NEXMIF: variants seen among roughly 807,000 people sequenced by gnomAD.
The protein encoded by NEXMIF is neurite extension and migration factor.
A neutral mutation model predicts 62.1 loss-of-function variants in NEXMIF; 8 were observed. The ratio of observed to expected loss-of-function variants is 0.13; its 90% CI spans 0.08 to 0.23. The LOEUF (loss-of-function observed/expected upper bound fraction) is 0.23. Ranked by LOEUF, NEXMIF falls within the 10% of genes least tolerant of loss-of-function variation. The pLI, the probability that NEXMIF is intolerant of heterozygous loss-of-function variation, is 1.00. For missense variants in NEXMIF, 976 were observed against 1,113.3 expected, an observed-to-expected ratio of 0.88 and a Z score of 1.75; for synonymous variants, 404 against 416.6, an observed-to-expected ratio of 0.97 and a Z score of 0.37.
In NEXMIF at chrX:74,732,934, C is replaced by T. The variant is rs1288092732; in HGVS notation, c.*6471G>A. ...AGGACTGCATCTCTGCAGATTCCAT[C>T]TGGATCACAAAACAAAGACACAATT... On this transcript the variant is annotated 3_prime_UTR_variant, in exon 4 of 4. Transcript: ENST00000055682. The T allele has an allele frequency of 1.8e-5, 2 of 111,876 alleles. No individual in the cohort carries two copies. The highest frequency in any genetic ancestry group is 6.5e-5 in the African/African-American group (2 of 30,786). 9.2% of individuals were successfully genotyped at this position (111,876 alleles called of 1,213,427 possible). A position where few individuals can be genotyped will look rare whatever the true frequency, so the allele number is the denominator to read the frequency against.
At chrX:74,882,303 G>A (rs181352519) in intron 1 of NEXMIF, among the ~76,000 whole-genome samples, 2 of 112,009 alleles carry the variant, frequency 1.8e-5, no homozygotes, top group Non-Finnish European at 3.8e-5. Flanking sequence ...GTTGGTGCAG[G>A]ACAGTGGGTG....
At chrX:74,858,513 A>G (rs2080543747) in intron 1 of NEXMIF, among the ~76,000 whole-genome samples, 1 of 112,044 alleles carries the variant, frequency 8.9e-6, no homozygotes, top group African/African-American at 3.2e-5. Context: ...ACAACATGCA[A>G]GTCCTTTTAA....
intron 1 of NEXMIF, among the ~76,000 whole-genome samples, chrX:74,793,230 T>C (rs1363253114): frequency 2.7e-5 from 3 of 110,353 alleles, no homozygotes; most frequent in Non-Finnish European, 5.7e-5. Context: ...CTCCTTCACT[T>C]ATGAAGCTTA....
chrX:74,834,478 T>A (rs1158954366), intron 1 of NEXMIF, among the ~76,000 whole-genome samples: 1 of 112,175 alleles, frequency 8.9e-6, no homozygotes, highest in Non-Finnish European at 1.9e-5. Context: ...GTAGCATTTG[T>A]TGTAGGACAG....
chrX:74,875,819 T>C (rs1006565656), intron 1 of NEXMIF, among the ~76,000 whole-genome samples: 2 of 112,069 alleles, frequency 1.8e-5, no homozygotes, highest in African/African-American at 6.5e-5. Flanking sequence ...TAGTTTGTAT[T>C]TCTGTGGGAT....
chrX:74,799,054 G>A (rs2080321233), intron 1 of NEXMIF, among the ~76,000 whole-genome samples: 1 of 110,591 alleles, frequency 9.0e-6, no homozygotes, highest in Non-Finnish European at 1.9e-5. Flanking sequence ...TTGTAGGGAG[G>A]GGGTCTTGCC....
intron 1 of NEXMIF, among the ~76,000 whole-genome samples, chrX:74,871,597 AG>A (rs928694796): frequency 9.0e-6 from 1 of 111,177 alleles, no homozygotes; most frequent in African/African-American, 3.3e-5. Flanking sequence ...AGACACTCCC[AG>A]AGCAGCCATC....
At chrX:74,903,779 A>T (rs1471066047) in intron 1 of NEXMIF, among the ~76,000 whole-genome samples, 2 of 111,300 alleles carry the variant, frequency 1.8e-5, no homozygotes, top group Non-Finnish European at 3.8e-5. Flanking sequence ...AGAATAATAA[A>T]CCGTCACTTT....
chrX:74,808,232 T>G (rs747932025), intron 1 of NEXMIF, among the ~76,000 whole-genome samples: 65 of 110,498 alleles, frequency 5.9e-4, no homozygotes, highest in Admixed American at 3.3e-3. Context: ...GGTACAACCC[T>G]GTCTCTACTA....
At chrX:74,761,121 C>T (rs375212783) in intron 1 of NEXMIF, among the ~76,000 whole-genome samples, 2 of 110,473 alleles carry the variant, frequency 1.8e-5, no homozygotes, top group Admixed American at 9.7e-5. Flanking sequence ...CCGCCCGCCT[C>T]GGCCTCCCAA....
At chrX:74,868,162 T>C (rs1191523610) in intron 1 of NEXMIF, among the ~76,000 whole-genome samples, 1 of 112,112 alleles carries the variant, frequency 8.9e-6, no homozygotes, top group Non-Finnish European at 1.9e-5. Flanking sequence ...TAGGAACACT[T>C]TCACACTGTT....
intron 1 of NEXMIF, among the ~76,000 whole-genome samples, chrX:74,819,044 T>A (rs1402338008): frequency 9.0e-6 from 1 of 111,673 alleles, no homozygotes; most frequent in African/African-American, 3.3e-5. Flanking sequence ...TCTACAACCA[T>A]CTGATCTTTG....
Position 74,769,741 on chromosome X carries a change from T to C in NEXMIF, c.-47-24044A>G. The C allele has an allele frequency of 5.1e-6, 3 of 585,740 alleles. No homozygotes were observed. In the Admixed American group the frequency reaches 6.7e-5, roughly 13 times the overall value. The allele number at this position is 585,740 out of a possible 1,213,427, so 48.3% of individuals were successfully genotyped here. ...ATTTTCCACTGGAGTTACTGAAAGA[T>C]GAGGGACTGCAGTACTTGGAGAGAT... is the stretch of plus-strand genomic sequence containing the variant. On this transcript the variant is annotated intron_variant, in intron 1 of 3. Transcript: ENST00000055682.
intron 1 of NEXMIF, among the ~76,000 whole-genome samples, chrX:74,849,575 C>T (rs1262267997): frequency 1.8e-5 from 2 of 112,642 alleles, no homozygotes; most frequent in African/African-American, 6.4e-5. Flanking sequence ...CCAGGCCCCA[C>T]CAGGCTGCAT....
chrX:74,805,106 C>CT (rs1167546609), intron 1 of NEXMIF, among the ~76,000 whole-genome samples: 5 of 112,508 alleles, frequency 4.4e-5, no homozygotes, highest in African/African-American at 1.6e-4. Context: ...CCCATGGCTG[C>CT]TGCCAGGACA....
chrX:74,743,352 T>A lies in NEXMIF; in HGVS notation c.1205A>T (p.Asp402Val). The A allele has an allele frequency of 8.3e-7, 1 of 1,211,448 alleles. No individual in the cohort carries two copies. The highest frequency in any genetic ancestry group is 1.8e-5 in the South Asian group (1 of 56,961). The part of the protein sequence containing the change: ...DKGVEKKDGK[D>V]NGEKPALNKP... ...ATTTAAGGCAGGCTTTTCTCCATTA[T>A]CCTTTCCATCTTTCTTCTCTACACC... Residue 402 changes from aspartate (D) to valine (V), a missense_variant, in exon 3 of 4, where the codon GAT becomes GTT. By Grantham distance (152) the Asp-to-Val change is radical. Transcript: ENST00000055682.
chrX:74,874,605 T>G (rs1424984154), intron 1 of NEXMIF, among the ~76,000 whole-genome samples: 2 of 92,968 alleles, frequency 2.2e-5, no homozygotes, highest in South Asian at 6.2e-4. Flanking sequence ...TTTCACGATA[T>G]TGATTCTTCC....
intron 1 of NEXMIF, among the ~76,000 whole-genome samples, chrX:74,863,368 AATAG>A (rs890706262): frequency 6.3e-5 from 7 of 111,206 alleles, no homozygotes; most frequent in African/African-American, 2.0e-4. Context: ...AAAATAATAA[AATAG>A]ATAGACCTCT....
At chrX:74,887,161 A>G (rs1175206570) in intron 1 of NEXMIF, among the ~76,000 whole-genome samples, 60 of 112,551 alleles carry the variant, frequency 5.3e-4, no homozygotes, top group South Asian at 2.2e-3. Flanking sequence ...AAGATGGATT[A>G]AAGACTTACA....
Sources: gnomAD v4.1 joint callset for allele counts (sites outside exome capture counted in the v4.1 genomes callset) on GRCh38, gnomAD v4.1.1 for gene constraint, MANE v1.5 for transcripts, NCBI Gene and HGNC (gene_info 2026-07-23, HGNC 2026-07-21) for gene names.